Variants in NNT observed in about 807,000 individuals in gnomAD.
NNT encodes the protein NAD(P) transhydrogenase, mitochondrial.
Under a neutral mutation model 104.8 loss-of-function variants are expected in NNT, and 50 were observed. The ratio of observed to expected loss-of-function variants is 0.48; its 90% CI spans 0.38 to 0.60. NNT has a LOEUF of 0.60. Among genes scored for constraint, NNT ranks in the 20% least tolerant of loss-of-function variants. NNT has a pLI of 0.00. For missense variants in NNT, 1,131 were observed against 1,330.7 expected (o/e 0.85, Z 2.33); for synonymous variants, 461 against 490.4 (o/e 0.94, Z 0.79).
At chr5:43,698,079 T>TAC (rs980067581) in intron 19 of NNT, among the ~76,000 whole-genome samples, 6 of 151,266 alleles carry the variant, frequency 4.0e-5, no homozygotes, top group African/African-American at 9.8e-5. Flanking sequence ...TCTTTGGATA[T>TAC]ATACACACAC....
At chr5:43,662,653 G>A (rs908360973) in intron 17 of NNT, among the ~76,000 whole-genome samples, 3 of 152,186 alleles carry the variant, frequency 2.0e-5, no homozygotes, top group South Asian at 2.1e-4. Context: ...AGCACTTTGG[G>A]AGGCTAAGGC....
rs768653718 is a variant in NNT at position 43,624,037 on chromosome 5, G to A, written c.693G>A (p.Leu231=). 1.2e-6 allele frequency: 2 copies of A among 1,614,166 alleles called. No individual in the cohort carries two copies. Among genetic ancestry groups the A allele is most frequent in the South Asian group, 2.2e-5 (2 of 91,080 alleles). The change falls in exon 6 of 22, where the codon CTG becomes CTA. Residue 231 remains leucine (L), a synonymous_variant. Transcript: ENST00000344920. ...TAACTGGGTCTGTCTTCTAGATTCT[G>A]ATAGTTGGTGGTGGTGTTGCTGGGC... ...AAGKVPPAKI[L]IVGGGVAGLA... is the part of the protein sequence containing the mutation.
At chr5:43,620,291 C>A (rs1407314400) in intron 5 of NNT, among the ~76,000 whole-genome samples, 1 of 152,002 alleles carries the variant, frequency 6.6e-6, no homozygotes, top group Non-Finnish European at 1.5e-5. Flanking sequence ...ATGATCTCGG[C>A]TCACTGCAAG....
At chr5:43,628,117 A>G in intron 6 of NNT, 83 bp from the exon 7 acceptor site, 1 of 1,029,888 alleles carries the variant, frequency 9.7e-7, no homozygotes, top group South Asian at 3.1e-5. Flanking sequence ...TGTTGTTCTT[A>G]AAAAGGTATA....
intron 6 of NNT, among the ~76,000 whole-genome samples, 195 bp downstream of exon 6, chr5:43,624,315 T>C (rs1401173384): frequency 6.6e-6 from 1 of 152,222 alleles, no homozygotes; most frequent in Non-Finnish European, 1.5e-5. Context: ...AACTCACAGC[T>C]CTGTTTTCTT....
intron 1 of NNT, among the ~76,000 whole-genome samples, chr5:43,604,098 T>C (rs1037978937): frequency 6.6e-6 from 1 of 152,084 alleles, no homozygotes. Flanking sequence ...TGGCTTTGGG[T>C]GAGGTCACGG....
At chr5:43,649,500 G>GT (rs1163329007) in intron 11 of NNT, among the ~76,000 whole-genome samples, 192 bp downstream of exon 11, 1 of 152,110 alleles carries the variant, frequency 6.6e-6, no homozygotes, top group African/African-American at 2.4e-5. Context: ...GTAAGAGGCC[G>GT]TGGGAGTGTG....
chr5:43,702,615 A>G lies in NNT; in HGVS notation c.2996-6A>G, dbSNP rs1488167733. The G allele has an allele frequency of 2.5e-6, 4 of 1,572,616 alleles. No individual in the cohort carries two copies. The highest frequency in any genetic ancestry group is 1.7e-4 in the Middle Eastern group (1 of 5,952). On this transcript the variant is annotated splice_region_variant and splice_polypyrimidine_tract_variant and intron_variant, in intron 20 of 21. Transcript: ENST00000344920. The stretch of plus-strand genomic sequence containing the variant: ...TATATTCTTTCTTTTTTGTTTTATT[A>G]TATAGATACTGATTTGGTCCTTGTA...
At position 43,659,120 on chromosome 5, in the gene NNT, GTTTTAT is replaced by G. The variant is rs368101253; in HGVS notation, c.2455-44_2455-39del. ...AGGAGCAAAATGTTAAATGTCAGAG[GTTTTAT>G]TTTTATGTTATTAATTTTGAGTTCT... On this transcript the variant is annotated intron_variant, in intron 16 of 21. Transcript: ENST00000344920. The G allele has an allele frequency of 5.4e-6, 8 of 1,488,158 alleles. No homozygotes were observed. The African/African-American group carries it at 8.5e-5, about 16-fold the overall frequency. 92.2% of individuals were successfully genotyped at this position (1,488,158 alleles called of 1,614,324 possible).
intron 7 of NNT, among the ~76,000 whole-genome samples, chr5:43,631,620 A>G (rs1275072630): frequency 2.6e-5 from 4 of 152,206 alleles, no homozygotes; most frequent in Non-Finnish European, 5.9e-5. Flanking sequence ...ATTTGAATAG[A>G]GTATATAGAT....
intron 19 of NNT, among the ~76,000 whole-genome samples, chr5:43,699,844 T>G (rs982189850): frequency 6.6e-6 from 1 of 152,186 alleles, no homozygotes; most frequent in African/African-American, 2.4e-5. Context: ...TTATTAACAT[T>G]ATTGGAAGTT....
intron 19 of NNT, among the ~76,000 whole-genome samples, chr5:43,699,713 TA>T (rs1195482007): frequency 1.3e-5 from 2 of 152,180 alleles, no homozygotes; most frequent in Non-Finnish European, 2.9e-5. Flanking sequence ...TTTGATAGAA[TA>T]ATGTTGATTT....
chr5:43,677,906 C>T (rs1741507676), intron 19 of NNT, 100 bp downstream of exon 19: 1 of 883,388 alleles, frequency 1.1e-6, no homozygotes. Context: ...GGTTAGGGCA[C>T]TGACCCGCCC....
Position 43,705,415 on chromosome 5 carries a change from A to C in NNT, c.*1011A>C, listed in dbSNP as rs1444376366. On this transcript the variant is annotated 3_prime_UTR_variant, in exon 22 of 22. Transcript: ENST00000344920. ...TTTGAGGTCTTATGTAATTGATGACATTTGAGAGAAATGGTGGCTTTTTTT... is the reference window on the plus strand; with the variant it reads ...TTTGAGGTCTTATGTAATTGATGACCTTTGAGAGAAATGGTGGCTTTTTTT... The C allele has an allele frequency of 2.6e-5, 4 of 152,130 alleles. No individual in the cohort carries two copies. The highest frequency in any genetic ancestry group is 9.7e-5 in the African/African-American group (4 of 41,442). The allele number at this position is 152,130 out of a possible 1,614,324, so 9.4% of individuals were successfully genotyped here.
chr5:43,664,222 A>G (rs1429968730), intron 17 of NNT, among the ~76,000 whole-genome samples: 2 of 152,256 alleles, frequency 1.3e-5, no homozygotes, highest in African/African-American at 4.8e-5. Flanking sequence ...CAAATATCAT[A>G]TAGACATTAA....
At chr5:43,612,851 A>AT (rs1407838180) in intron 2 of NNT, 57 bp from the exon 3 acceptor site, 17 of 1,302,548 alleles carry the variant, frequency 1.3e-5, no homozygotes, top group Non-Finnish European at 1.8e-5. Flanking sequence ...GTTTTTAAAC[A>AT]TTTTTTGTTT....
chr5:43,693,820 C>T (rs567320213), intron 19 of NNT, among the ~76,000 whole-genome samples: 2 of 152,220 alleles, frequency 1.3e-5, no homozygotes, highest in African/African-American at 2.4e-5. Context: ...TGGATGACCA[C>T]CTAAAACTAA....
intron 4 of NNT, among the ~76,000 whole-genome samples, chr5:43,618,612 T>C (rs544497383): frequency 3.5e-4 from 54 of 152,322 alleles, no homozygotes; most frequent in African/African-American, 1.3e-3. Flanking sequence ...AGAAAACCAT[T>C]GTTAGTATTT....
intron 3 of NNT, among the ~76,000 whole-genome samples, chr5:43,613,817 G>A (rs940701752): frequency 2.6e-5 from 4 of 152,022 alleles, no homozygotes; most frequent in African/African-American, 9.7e-5. Context: ...AAGCAAACAG[G>A]GAAGTAACTC....
Sources: gnomAD v4.1 joint callset for allele counts (sites outside exome capture counted in the v4.1 genomes callset) on GRCh38, gnomAD v4.1.1 for gene constraint, MANE v1.5 for transcripts, NCBI Gene and HGNC (gene_info 2026-07-23, HGNC 2026-07-21) for gene names.